PRORP: variants seen among roughly 807,000 people sequenced by gnomAD.
PRORP encodes mitochondrial ribonuclease P catalytic subunit.
Under a neutral mutation model 59.4 loss-of-function variants are expected in PRORP, and 51 were observed. The ratio of observed to expected loss-of-function variants is 0.86; its 90% CI spans 0.69 to 1.08. The LOEUF is 1.08. Among genes scored for constraint, PRORP ranks in the 50% least tolerant of loss-of-function variants. The pLI is 0.00. For missense variants in PRORP, 646 were observed against 690.3 expected, an observed-to-expected ratio of 0.94 and a Z score of 0.72; for synonymous variants, 231 against 245.6, an observed-to-expected ratio of 0.94 and a Z score of 0.55.
chr14:35,258,936 C>T (rs2050828061), intron 5 of PRORP, among the ~76,000 whole-genome samples: 1 of 152,168 alleles, frequency 6.6e-6, no homozygotes, highest in African/African-American at 2.4e-5. Flanking sequence ...ATTCTACTTC[C>T]TTTGCCTTTA....
At chr14:35,153,902 A>G (rs888724044) in intron 4 of PRORP, among the ~76,000 whole-genome samples, 2 of 152,218 alleles carry the variant, frequency 1.3e-5, no homozygotes, top group Admixed American at 6.5e-5. Context: ...CTTGCTTTTT[A>G]AAAAGCAAAT....
At chr14:35,172,812 T>G in intron 4 of PRORP, among the ~76,000 whole-genome samples, 1 of 151,784 alleles carries the variant, frequency 6.6e-6, no homozygotes, top group East Asian at 1.9e-4. Context: ...GTGATCCACC[T>G]GCCTTGGCGT....
intron 5 of PRORP, among the ~76,000 whole-genome samples, chr14:35,243,084 A>T (rs996456115): frequency 2.0e-5 from 3 of 152,176 alleles, no homozygotes; most frequent in African/African-American, 7.2e-5. Context: ...GGCTTCAAGT[A>T]CCTTCAGTGT....
intron 5 of PRORP, among the ~76,000 whole-genome samples, chr14:35,265,178 G>A (rs531435493): frequency 1.3e-5 from 2 of 152,160 alleles, no homozygotes; most frequent in Admixed American, 1.3e-4. Flanking sequence ...TACAGAGGAG[G>A]AACTTATGAG....
intron 5 of PRORP, among the ~76,000 whole-genome samples, chr14:35,241,904 T>C (rs1229821533): frequency 2.0e-5 from 3 of 152,184 alleles, no homozygotes; most frequent in Non-Finnish European, 4.4e-5. Flanking sequence ...TTAAAAACTT[T>C]TCATAGGCTT....
chr14:35,266,494 A>T (rs555005534), intron 5 of PRORP, among the ~76,000 whole-genome samples: 3 of 151,146 alleles, frequency 2.0e-5, no homozygotes, highest in Admixed American at 6.6e-5. Flanking sequence ...ACACAAAAAT[A>T]AAGAAACCCC....
intron 4 of PRORP, among the ~76,000 whole-genome samples, chr14:35,152,320 A>T (rs10131059): frequency 0.032 from 4,828 of 152,320 alleles, 265 homozygotes; most frequent in African/African-American, 0.11. Context: ...GAAGTCTCCC[A>T]TGTCTGCTTC....
intron 5 of PRORP, among the ~76,000 whole-genome samples, chr14:35,245,105 G>A (rs914410432): frequency 5.3e-5 from 8 of 152,156 alleles, no homozygotes; most frequent in Non-Finnish European, 1.0e-4. Flanking sequence ...TTTGGACCAG[G>A]TACCCAAAAA....
intron 5 of PRORP, among the ~76,000 whole-genome samples, chr14:35,253,720 C>T (rs779574188): frequency 2.6e-5 from 4 of 152,074 alleles, no homozygotes; most frequent in Admixed American, 6.5e-5. Flanking sequence ...ATGGTGTCCC[C>T]GTAGCACTGG....
intron 4 of PRORP, among the ~76,000 whole-genome samples, chr14:35,129,538 G>A (rs980207795): frequency 4.6e-5 from 7 of 150,734 alleles, no homozygotes; most frequent in East Asian, 3.9e-4. Flanking sequence ...GCCGTGGTGC[G>A]ATCTTGGCTC....
At chr14:35,225,384 T>A (rs1335576734) in intron 5 of PRORP, among the ~76,000 whole-genome samples, 1 of 152,076 alleles carries the variant, frequency 6.6e-6, no homozygotes, top group Admixed American at 6.5e-5. Context: ...TTTGCTCTTG[T>A]CGCCCAGGCT....
intron 4 of PRORP, among the ~76,000 whole-genome samples, chr14:35,171,501 G>A (rs935142409): frequency 1.3e-5 from 2 of 152,172 alleles, no homozygotes; most frequent in East Asian, 3.9e-4. Flanking sequence ...TGTCTGATGA[G>A]AATTAAACTG....
chr14:35,201,875 C>G (rs1035986215), intron 5 of PRORP, among the ~76,000 whole-genome samples: 4 of 151,932 alleles, frequency 2.6e-5, no homozygotes, highest in African/African-American at 4.8e-5. Flanking sequence ...TTAGGCTGGT[C>G]TCAAACTCCT....
chr14:35,185,230 A>G (rs1367336540), intron 5 of PRORP, among the ~76,000 whole-genome samples: 3 of 152,104 alleles, frequency 2.0e-5, no homozygotes, highest in African/African-American at 7.2e-5. Context: ...CTGGTGTGAA[A>G]TGGTATCTCA....
intron 5 of PRORP, among the ~76,000 whole-genome samples, chr14:35,192,282 G>T (rs1266627696): frequency 6.6e-6 from 1 of 152,056 alleles, no homozygotes; most frequent in Non-Finnish European, 1.5e-5. Context: ...CAAATGGCTG[G>T]ATTATTATCA....
At chr14:35,191,449 C>T (rs1431161848) in intron 5 of PRORP, among the ~76,000 whole-genome samples, 2 of 152,124 alleles carry the variant, frequency 1.3e-5, no homozygotes, top group Non-Finnish European at 2.9e-5. Context: ...AACCTGTAAT[C>T]CCAGCACTTC....
intron 4 of PRORP, among the ~76,000 whole-genome samples, chr14:35,146,889 C>T (rs539451380): frequency 5.3e-5 from 8 of 152,188 alleles, no homozygotes; most frequent in African/African-American, 1.9e-4. Context: ...GCCAGGAGTT[C>T]GACACCAGCC....
At chr14:35,195,739 T>C (rs1377369345) in intron 5 of PRORP, among the ~76,000 whole-genome samples, 1 of 152,118 alleles carries the variant, frequency 6.6e-6, no homozygotes, top group Admixed American at 6.5e-5. Context: ...TTAATGATTC[T>C]TAGGGTAGAA....
chr14:35,122,099 T>G, upstream of PRORP: 1 of 838,020 alleles, frequency 1.2e-6, no homozygotes, highest in South Asian at 1.5e-5. Context: ...GCGGAAGTCT[T>G]GGCTAAAGAG....
Sources: allele counts gnomAD v4.1 joint callset (sites outside exome capture counted in the v4.1 genomes callset), GRCh38; gene constraint gnomAD v4.1.1; transcripts MANE v1.5; gene names NCBI Gene and HGNC (gene_info 2026-07-23, HGNC 2026-07-21).